Variants in ZNF263 observed in about 807,000 individuals in gnomAD.
ZNF263 encodes the protein zinc finger protein FPM315.
A neutral mutation model predicts 63.1 loss-of-function variants in ZNF263; 49 were observed. That is an observed-to-expected ratio of 0.78 (90% CI 0.62 to 0.99). The LOEUF (loss-of-function observed/expected upper bound fraction) is 0.99, where lower values mean the gene tolerates loss of function less well. Among genes scored for constraint, ZNF263 ranks in the 50% least tolerant of loss-of-function variants. ZNF263 has a pLI of 0.00. For synonymous variants in ZNF263, 352 were observed against 324.2 expected (o/e 1.09, Z -0.92); for missense variants, 872 against 854.8 (o/e 1.02, Z -0.25).
At chr16:3,300,968 A>C in exon 3 of ZNF263, 1 of 200,400 alleles carries the variant, frequency 5.0e-6, no homozygotes, top group Non-Finnish European at 1.1e-5. Context: ...CCCTAACTCA[A>C]TACCGGAAAA....
rs1959228498 is a variant in ZNF263 at position 3,283,546 on chromosome 16, C to T, written c.-273C>T. The T allele has an allele frequency of 9.7e-6, 3 of 307,968 alleles. No homozygotes were observed. The highest frequency in any genetic ancestry group is 9.8e-5 in the East Asian group (2 of 20,364). The allele number at this position is 307,968 out of a possible 1,614,324, so 19.1% of individuals were successfully genotyped here. A position where few individuals can be genotyped will look rare whatever the true frequency, so the allele number is the denominator to read the frequency against. The stretch of plus-strand genomic sequence containing the variant: ...GCAGAGGTCTGAGTCTTGCGTGGGT[C>T]CTCTATATAGGGTGAGAAGCGTGGC... On this transcript the variant is annotated 5_prime_UTR_variant, in exon 1 of 6. Coordinates refer to ENST00000219069, the MANE Select transcript of ZNF263 (RefSeq NM_005741.5).
rs1460855045 is a variant in ZNF263 at position 3,299,157 on chromosome 16, G to A, written c.*46+1G>A. On this transcript the variant is annotated splice_donor_variant, in intron 2 of 2. Coordinates refer to the ZNF263 transcript ENST00000574674. LOFTEE classifies it low-confidence loss of function (3UTR_SPLICE). ...GTGTGGCATCAACAAAGTCAAGAAG[G>A]TAGTCCAAACTCTCTCTTACAGCAG... 4.6e-6 allele frequency: 7 copies of A among 1,536,078 alleles called. No individual in the cohort carries two copies. In the African/African-American group the frequency reaches 5.6e-5, roughly 12 times the overall value.
chr16:3,289,228 A>G (rs1424384188), intron 5 of ZNF263, among the ~76,000 whole-genome samples, 165 bp from the exon 6 acceptor site: 1 of 152,100 alleles, frequency 6.6e-6, no homozygotes, highest in Non-Finnish European at 1.5e-5. Context: ...CCGACCCTTT[A>G]TCCTGATGCT....
At chr16:3,300,687 C>G in intron 2 of ZNF263, 1 of 1,507,670 alleles carries the variant, frequency 6.6e-7, no homozygotes, top group Non-Finnish European at 8.8e-7. Context: ...AAAAAAAAAA[C>G]CCACATTTTT....
At chr16:3,300,831 A>T in intron 2 of ZNF263, 1 of 674,768 alleles carries the variant, frequency 1.5e-6, no homozygotes, top group Non-Finnish European at 2.3e-6. Context: ...TGCCAGTTGC[A>T]AAGTCCTGTC....
chr16:3,291,715 C>T (rs569073533), downstream of ZNF263, among the ~76,000 whole-genome samples: 2 of 152,160 alleles, frequency 1.3e-5, no homozygotes, highest in Admixed American at 1.3e-4. Flanking sequence ...AGAAAGTATT[C>T]TTTCCTTCTG....
chr16:3,296,047 C>T (rs551946497), downstream of ZNF263, among the ~76,000 whole-genome samples: 112 of 152,302 alleles, frequency 7.4e-4, 1 homozygote, highest in African/African-American at 2.5e-3. Flanking sequence ...ACTTTAAACC[C>T]AGCTCAAAAG....
At position 3,290,506 on chromosome 16, in the gene ZNF263, GCTT is replaced by G. The variant is rs1959574370; in HGVS notation, c.2003_2005del (p.Phe668del). On this transcript the variant is annotated inframe_deletion, in exon 6 of 6. Transcript: ENST00000219069. ...TATAAATGTTCTGAATGTGGAGAAA[GCTT>G]CTCTCGGAGTTCCCGTCTTATGAGT... 1.9e-6 allele frequency: 3 copies of G among 1,613,828 alleles called. No individual in the cohort carries two copies. Among genetic ancestry groups the G allele is most frequent in the Admixed American group, 1.7e-5 (1 of 59,970 alleles).
In ZNF263 at chr16:3,290,383, C is replaced by T. The variant is rs1365892858; in HGVS notation, c.1877C>T (p.Thr626Ile). The stretch of plus-strand genomic sequence containing the variant: ...TTAATCAGGCACCAGAGAATCCACA[C>T]AGGAGAAAAACCCTATACCTGTCAT... ...SNLIRHQRIHTGEKPYTCHEC... is the reference protein window; with the variant it reads ...SNLIRHQRIHIGEKPYTCHEC... The change falls in exon 6 of 6, where the codon ACA (threonine) becomes ATA (isoleucine). Residue 626 changes from threonine to isoleucine, a missense_variant. Physicochemically the swap from Thr to Ile is moderately conservative, Grantham distance 89. Transcript: ENST00000219069. The T allele has an allele frequency of 6.2e-7, 1 of 1,614,156 alleles. No homozygotes were observed. The highest frequency in any genetic ancestry group is 1.7e-5 in the Admixed American group (1 of 60,012).
chr16:3,289,800 G>A lies in ZNF263; in HGVS notation c.1294G>A (p.Glu432Lys), dbSNP rs1050442564. ...ACTACACAGAGCACACCTGGGAGAG[G>A]AGGCCCACAAGTGCCTTGAATGTGG... ...LSLHRAHLGE[E>K]AHKCLECGKC... The change falls in exon 6 of 6, where the codon GAG (glutamate) becomes AAG (lysine). Residue 432 changes from glutamate to lysine, a missense_variant. Coordinates refer to ENST00000219069, the MANE Select transcript of ZNF263 (RefSeq NM_005741.5). The A allele has an allele frequency of 5.6e-6, 9 of 1,614,110 alleles. No individual in the cohort carries two copies. The Admixed American group carries it at 1.5e-4, about 27-fold the overall frequency.
chr16:3,286,604 C>T (rs1245842145), intron 4 of ZNF263: 6 of 153,044 alleles, frequency 3.9e-5, no homozygotes, highest in African/African-American at 1.4e-4. Context: ...AACATTCCAG[C>T]CTATCATCTC....
rs559495047 is a variant in ZNF263 at position 3,288,714 on chromosome 16, C to T, written c.886+144C>T. The T allele has an allele frequency of 6.0e-5, 32 of 536,608 alleles. 1 individual carries two copies. Among genetic ancestry groups the T allele is most frequent in the Middle Eastern group, 5.4e-4 (1 of 1,844 alleles). 33.2% of individuals were successfully genotyped at this position (536,608 alleles called of 1,614,324 possible). On this transcript the variant is annotated intron_variant, in intron 5 of 5. Transcript: ENST00000219069. ...AGGCTGGAGTGCAACAGTGCGATCT[C>T]GGCTCACTGCAAGCTCCGCCTCCCA...
downstream of ZNF263, among the ~76,000 whole-genome samples, chr16:3,294,120 TTTCACCATG>T (rs2150776121): frequency 6.6e-6 from 1 of 152,228 alleles, no homozygotes; most frequent in East Asian, 1.9e-4. Flanking sequence ...AGAGACCGGG[TTTCACCATG>T]TTAGCCAGGA....
In ZNF263 at chr16:3,289,446, A is replaced by G. The variant is rs1330561831; in HGVS notation, c.940A>G (p.Ile314Val). 3.3e-6 allele frequency: 5 copies of G among 1,526,324 alleles called. No individual in the cohort carries two copies. Among genetic ancestry groups the G allele is most frequent in the Non-Finnish European group, 4.4e-6 (5 of 1,140,388 alleles). 94.5% of individuals were successfully genotyped at this position (1,526,324 alleles called of 1,614,324 possible). A position where few individuals can be genotyped will look rare whatever the true frequency, so the allele number is the denominator to read the frequency against. The change falls in exon 6 of 6, where the codon ATC (isoleucine) becomes GTC (valine). Residue 314 changes from isoleucine to valine, a missense_variant. By Grantham distance (29) the Ile-to-Val change is conservative (BLOSUM62 3). Coordinates refer to ENST00000219069, the MANE Select transcript of ZNF263 (RefSeq NM_005741.5). ...EGVPSVCSENIHPQVLLPDQA... is the reference protein window; with the variant it reads ...EGVPSVCSENVHPQVLLPDQA... ...TGTTCCGTCTGTATGCTCTGAGAAC[A>G]TCCACCCTCAGGTGCTGCTTCCTGA...
chr16:3,299,471 TA>T, intron 2 of ZNF263: 1 of 1,554,422 alleles, frequency 6.4e-7, no homozygotes. Flanking sequence ...TTTGCCCAGT[TA>T]AAAATTGCAC....
At chr16:3,293,222 C>T (rs577725570), downstream of ZNF263, 1 of 152,280 alleles carries the variant, frequency 6.6e-6, no homozygotes, top group South Asian at 2.1e-4. Flanking sequence ...CTGAATTCTC[C>T]CGAGAGCTGA....
Position 3,290,217 on chromosome 16 carries a change from GAGA to G in ZNF263, c.1717_1719del (p.Lys573del), listed in dbSNP as rs1379313446. Reference sequence around the variant, plus strand: ...TACAAACCATGGAGCCCATAAGGCAGAGAAGAAGCTCTTTGAATGTTTGACTTG... The same window carrying G: ...TACAAACCATGGAGCCCATAAGGCAGAGAAGCTCTTTGAATGTTTGACTTG... On this transcript the variant is annotated inframe_deletion, in exon 6 of 6. Coordinates refer to ENST00000219069, the MANE Select transcript of ZNF263 (RefSeq NM_005741.5). 6.2e-6 allele frequency: 10 copies of G among 1,614,098 alleles called. No homozygotes were observed. The highest frequency in any genetic ancestry group is 8.5e-6 in the Non-Finnish European group (10 of 1,180,050).
At chr16:3,285,554 C>T (rs1959315738) in intron 2 of ZNF263, 127 bp from the exon 3 acceptor site, 5 of 936,732 alleles carry the variant, frequency 5.3e-6, no homozygotes, top group Admixed American at 4.1e-5. Flanking sequence ...GATTAGGCCT[C>T]TGTGCAGTTT....
intron 3 of ZNF263, 50 bp downstream of exon 3, chr16:3,285,804 G>C (rs375892576): frequency 2.5e-6 from 4 of 1,599,340 alleles, no homozygotes; most frequent in Admixed American, 1.7e-5. Context: ...CCTCCCCTGA[G>C]TGTTGGGGGT....
Sources: allele counts gnomAD v4.1 joint callset (sites outside exome capture counted in the v4.1 genomes callset), GRCh38; gene constraint gnomAD v4.1.1; transcripts MANE v1.5; gene names NCBI Gene and HGNC (gene_info 2026-07-23, HGNC 2026-07-21).